The following TP63 variants were observed in gnomAD, a reference collection of about 807,000 sequenced individuals.
TP63 encodes the protein tumor protein p63, also known as tumor protein 63.
A neutral mutation model predicts 82.8 loss-of-function variants in TP63; 17 were observed. The ratio of observed to expected loss-of-function variants is 0.21; its 90% CI spans 0.14 to 0.31. The LOEUF (loss-of-function observed/expected upper bound fraction) is 0.31. Ranked by LOEUF, TP63 falls within the 10% of genes least tolerant of loss-of-function variation. The pLI, the probability that TP63 is intolerant of heterozygous loss-of-function variation, is 1.00. For missense variants in TP63, 648 were observed against 895.3 expected (o/e 0.72, Z 3.52); for synonymous variants, 330 against 321.7 (o/e 1.03, Z -0.28).
intron 3 of TP63, among the ~76,000 whole-genome samples, chr3:189,773,160 T>A (rs139022698): frequency 5.1e-4 from 77 of 152,368 alleles, no homozygotes; most frequent in African/African-American, 1.7e-3. Context: ...ATGTTTTGTA[T>A]GCACTTTCTC....
intron 1 of TP63, among the ~76,000 whole-genome samples, chr3:189,731,357 A>G (rs184837270): frequency 1.4e-3 from 208 of 152,334 alleles, no homozygotes; most frequent in African/African-American, 4.8e-3. Context: ...AAAAAAGAAA[A>G]AAAAAGAACA....
chr3:189,896,979 T>G lies in TP63; in HGVS notation c.*2477T>G, dbSNP rs186295449. On this transcript the variant is annotated 3_prime_UTR_variant, in exon 14 of 14. Transcript: ENST00000264731. ...AGTTTTCATTAAATCCTTTTACCTT[T>G]TTTTTTTCTTGGTAATCCCCTAAAA... The G allele has an allele frequency of 3.0e-3, 676 of 227,336 alleles. 4 individuals are homozygous for G. Among genetic ancestry groups the G allele is most frequent in the South Asian group, 0.025 (136 of 5,476 alleles). The allele number at this position is 227,336 out of a possible 1,614,324, so 14.1% of individuals were successfully genotyped here.
intron 4 of TP63, among the ~76,000 whole-genome samples, chr3:189,816,994 A>T (rs1489820207): frequency 8.4e-6 from 1 of 118,764 alleles, no homozygotes. Context: ...AATAATGAAG[A>T]TTCATGTGGG....
intron 1 of TP63, among the ~76,000 whole-genome samples, chr3:189,675,958 T>A (rs2108681770): frequency 6.6e-6 from 1 of 152,276 alleles, no homozygotes; most frequent in South Asian, 2.1e-4. Context: ...ACACATTCAT[T>A]AAAAAGAACC....
chr3:189,896,913 GTT>G lies in TP63; in HGVS notation c.*2415_*2416del. The G allele has an allele frequency of 4.5e-6, 1 of 222,914 alleles. No homozygotes were observed. The highest frequency in any genetic ancestry group is 9.0e-6 in the Non-Finnish European group (1 of 111,434). The allele number at this position is 222,914 out of a possible 1,614,324, so 13.8% of individuals were successfully genotyped here. A position where few individuals can be genotyped will look rare whatever the true frequency, so the allele number is the denominator to read the frequency against. ...ATGCAGTTAGCTGAAGAATTGAAAA[GTT>G]TTTGTTTGGAGACGTTTATAAACAG... On this transcript the variant is annotated 3_prime_UTR_variant, in exon 14 of 14. Transcript: ENST00000264731.
the TP63 span, among the ~76,000 whole-genome samples, chr3:189,599,290 T>C: frequency 6.6e-6 from 1 of 152,212 alleles, no homozygotes; most frequent in East Asian, 1.9e-4. Flanking sequence ...CACTTTGCTT[T>C]CTCAACCTCA....
intron 5 of TP63, 123 bp downstream of exon 5, chr3:189,864,541 CTTTTTTT>C (rs10714778): frequency 0.028 from 6,079 of 214,954 alleles, 34 homozygotes; most frequent in Middle Eastern, 0.063. Context: ...ATCAGTCTGC[CTTTTTTT>C]TTTTTTTTTT....
At chr3:189,861,820 T>G (rs976515074) in intron 4 of TP63, among the ~76,000 whole-genome samples, 1 of 152,146 alleles carries the variant, frequency 6.6e-6, no homozygotes, top group Non-Finnish European at 1.5e-5. Flanking sequence ...TAAGAAACTG[T>G]TATTACAGGA....
intron 4 of TP63, among the ~76,000 whole-genome samples, chr3:189,828,285 G>A (rs576579953): frequency 6.6e-6 from 1 of 151,930 alleles, no homozygotes; most frequent in South Asian, 2.1e-4. Context: ...ACGGAGATAT[G>A]GGCAGGCAAA....
chr3:189,606,369 G>A, the TP63 span, among the ~76,000 whole-genome samples: 3 of 151,902 alleles, frequency 2.0e-5, no homozygotes, highest in African/African-American at 7.3e-5. Context: ...AACACACAAG[G>A]AAACAAGGTA....
intron 1 of TP63, among the ~76,000 whole-genome samples, chr3:189,727,839 T>C (rs1719879147): frequency 6.6e-6 from 1 of 152,230 alleles, no homozygotes; most frequent in Admixed American, 6.5e-5. Flanking sequence ...AAAAGTACCC[T>C]GTTTGTAAGC....
chr3:189,890,279 C>T (rs961283491), intron 12 of TP63, among the ~76,000 whole-genome samples: 2 of 151,984 alleles, frequency 1.3e-5, no homozygotes, highest in African/African-American at 4.8e-5. Flanking sequence ...AGACCAGCAC[C>T]AAAAGGAAGG....
chr3:189,717,806 A>G (rs947825027), intron 1 of TP63, among the ~76,000 whole-genome samples: 1 of 152,188 alleles, frequency 6.6e-6, no homozygotes, highest in African/African-American at 2.4e-5. Context: ...AATTGGACCC[A>G]GCCTCCAAAA....
chr3:189,728,701 C>T (rs1358102087), intron 1 of TP63, among the ~76,000 whole-genome samples: 1 of 152,130 alleles, frequency 6.6e-6, no homozygotes, highest in Admixed American at 6.5e-5. Context: ...TACAAAATGG[C>T]AGAAGGCACC....
At position 189,896,116 on chromosome 3, in the gene TP63, G is replaced by T. The variant is rs1278936775; in HGVS notation, c.*1614G>T. On this transcript the variant is annotated 3_prime_UTR_variant, in exon 14 of 14. Transcript: ENST00000264731. ...CACATTTTTTTGCATGCATGCAAAT[G>T]AGCTCTGAAATCTTCCCATGCATTC... 4 of 222,056 alleles carry T rather than the reference G, an allele frequency of 1.8e-5. No homozygotes were observed. The highest frequency in any genetic ancestry group is 8.9e-5 in the African/African-American group (4 of 44,732). The allele number at this position is 222,056 out of a possible 1,614,324, so 13.8% of individuals were successfully genotyped here.
chr3:189,827,932 T>A (rs1047034410), intron 4 of TP63, among the ~76,000 whole-genome samples: 3 of 152,100 alleles, frequency 2.0e-5, no homozygotes, highest in Non-Finnish European at 2.9e-5. Flanking sequence ...GGAAAGGTGT[T>A]GCAATATTTT....
At chr3:189,656,205 A>G (rs894546264) in intron 1 of TP63, among the ~76,000 whole-genome samples, 3 of 152,210 alleles carry the variant, frequency 2.0e-5, no homozygotes, top group Non-Finnish European at 2.9e-5. Context: ...AATTACATCA[A>G]TATCACATGG....
chr3:189,651,684 G>A (rs1224338413), intron 1 of TP63, among the ~76,000 whole-genome samples: 1 of 146,562 alleles, frequency 6.8e-6, no homozygotes, highest in Non-Finnish European at 1.5e-5. Flanking sequence ...TGTCTCCAGG[G>A]CACATCAGAG....
chr3:189,752,455 A>G (rs1312587625), intron 3 of TP63, among the ~76,000 whole-genome samples: 2 of 152,202 alleles, frequency 1.3e-5, no homozygotes, highest in Admixed American at 6.5e-5. Context: ...TTCTAAGATT[A>G]CAATTGTGAG....
Sources: gnomAD v4.1 joint callset for allele counts (sites outside exome capture counted in the v4.1 genomes callset) on GRCh38, gnomAD v4.1.1 for gene constraint, MANE v1.5 for transcripts, NCBI Gene and HGNC (gene_info 2026-07-23, HGNC 2026-07-21) for gene names.